RHNO1: variants seen among roughly 807,000 people sequenced by gnomAD.
RHNO1 encodes the protein RAD9-HUS1-RAD1 interacting nuclear orphan 1, also known as RAD9, HUS1, RAD1-interacting nuclear orphan protein 1.
RHNO1 carries 9 observed loss-of-function variants against 7.2 expected under a neutral mutation model. The observed-to-expected ratio is 1.25, with a 90% CI of 0.75 to 2.18. RHNO1 has a LOEUF of 2.18. RHNO1 is among the 30% of genes most tolerant of loss of function. The pLI is 0.00. For missense variants in RHNO1, 292 were observed against 284.5 expected (o/e 1.03, Z -0.19); for synonymous variants, 95 against 107.5 (o/e 0.88, Z 0.72).
intron 1 of RHNO1, chr12:2,877,971 A>G (rs2098150343): frequency 6.6e-6 from 1 of 152,290 alleles, no homozygotes; most frequent in African/African-American, 2.4e-5. Flanking sequence ...ACTTGAGGTC[A>G]CGAGTTCGAG....
Position 2,877,578 on chromosome 12 carries a change from TC to T in RHNO1, c.-85+302del, listed in dbSNP as rs935451884. ...TTTCCCACAGTGAACGATCGTCTGC[TC>T]CCCCCGATTAGACTAAGTTCCTTTG... is the stretch of plus-strand genomic sequence containing the variant. On this transcript the variant is annotated intron_variant, in intron 1 of 2. Transcript: ENST00000489288. Among the ~76,000 whole-genome samples, 5 of 151,826 alleles carry T rather than the reference TC, an allele frequency of 3.3e-5. No individual in the cohort carries two copies. The South Asian group carries it at 1.0e-3, about 32-fold the overall frequency.
chr12:2,885,786 A>G (rs1023659521), intron 2 of RHNO1: 5 of 310,068 alleles, frequency 1.6e-5, no homozygotes, highest in Non-Finnish European at 2.4e-5. Context: ...CGTGTTAGCC[A>G]GGATGGTCTC....
intron 2 of RHNO1, 79 bp from the exon 3 acceptor site, chr12:2,887,829 TAAG>T: frequency 8.6e-7 from 1 of 1,166,222 alleles, no homozygotes; most frequent in South Asian, 1.7e-5. Flanking sequence ...GACCCCGATT[TAAG>T]AGTCTGGTCA....
At position 2,888,782 on chromosome 12, in the gene RHNO1, G is replaced by C. The variant is rs1013191564; in HGVS notation, c.*323G>C. 4.5e-6 allele frequency: 1 copy of C among 220,422 alleles called. No homozygotes were observed. Among genetic ancestry groups the C allele is most frequent in the Admixed American group, 5.2e-5 (1 of 19,350 alleles). 13.7% of individuals were successfully genotyped at this position (220,422 alleles called of 1,614,324 possible). A position where few individuals can be genotyped will look rare whatever the true frequency, so the allele number is the denominator to read the frequency against. The stretch of plus-strand genomic sequence containing the variant: ...TGACCTCAAGTCATCTGCTGGCCTT[G>C]ACCTCACAAAGTGCTGGCCCAGCCG... On this transcript the variant is annotated 3_prime_UTR_variant, in exon 3 of 3. Coordinates refer to ENST00000489288, the MANE Select transcript of RHNO1 (RefSeq NM_001252499.3).
intron 2 of RHNO1, among the ~76,000 whole-genome samples, chr12:2,887,450 C>G (rs2098166907): frequency 6.8e-6 from 1 of 147,566 alleles, no homozygotes; most frequent in Admixed American, 6.9e-5. Flanking sequence ...GCACTCCAGC[C>G]TGGGCGACAA....
intron 2 of RHNO1, chr12:2,887,066 G>C: frequency 2.3e-6 from 1 of 438,982 alleles, no homozygotes; most frequent in East Asian, 7.2e-5. Context: ...ATCTAGACCA[G>C]GTGTTGTGGC....
At chr12:2,878,316 T>C (rs1414244042) in intron 1 of RHNO1, among the ~76,000 whole-genome samples, 1 of 150,726 alleles carries the variant, frequency 6.6e-6, no homozygotes. Flanking sequence ...TGATGCCTTT[T>C]ACAAAGAAAG....
chr12:2,888,620 T>A lies in RHNO1; in HGVS notation c.*161T>A. On this transcript the variant is annotated 3_prime_UTR_variant, in exon 3 of 3. Transcript: ENST00000489288. ...TCACCTTACTGCAACCACCACTTCC[T>A]GGGTTCAAGCGATTCTCCTGCCTCA... 1.9e-6 allele frequency: 1 copy of A among 534,428 alleles called. No homozygotes were observed. The highest frequency in any genetic ancestry group is 3.1e-6 in the Non-Finnish European group (1 of 323,232). 33.1% of individuals were successfully genotyped at this position (534,428 alleles called of 1,614,324 possible).
intron 1 of RHNO1, among the ~76,000 whole-genome samples, chr12:2,881,902 CAAA>C (rs1208946857): frequency 9.2e-5 from 11 of 119,630 alleles, no homozygotes; most frequent in Non-Finnish European, 3.5e-5. Context: ...AAGACTCCAT[CAAA>C]AAAAAAAAAA....
intron 1 of RHNO1, among the ~76,000 whole-genome samples, chr12:2,882,513 G>A (rs1286397322): frequency 6.7e-6 from 1 of 150,220 alleles, no homozygotes; most frequent in Non-Finnish European, 1.5e-5. Context: ...GACCAGCCTG[G>A]CCAAAATGGT....
At chr12:2,879,763 A>G (rs1451125020) in intron 1 of RHNO1, among the ~76,000 whole-genome samples, 2 of 151,918 alleles carry the variant, frequency 1.3e-5, no homozygotes, top group African/African-American at 4.8e-5. Context: ...TTCTAGGTGG[A>G]TACTGAAATA....
intron 1 of RHNO1, among the ~76,000 whole-genome samples, chr12:2,883,503 ATATATATATTTTT>A (rs1455753146): frequency 5.4e-3 from 187 of 34,660 alleles, no homozygotes; most frequent in African/African-American, 0.014. Context: ...ATATATATAT[ATATATATATTTTT>A]TTTTTTTTTT....
At chr12:2,884,641 G>A (rs1353253995) in intron 1 of RHNO1, among the ~76,000 whole-genome samples, 1 of 148,952 alleles carries the variant, frequency 6.7e-6, no homozygotes. Flanking sequence ...GGGATTACAG[G>A]CGTAAGCCCC....
chr12:2,881,625 G>A (rs2098157771), intron 1 of RHNO1, among the ~76,000 whole-genome samples: 1 of 151,928 alleles, frequency 6.6e-6, no homozygotes, highest in African/African-American at 2.4e-5. Context: ...TAGAAACTTT[G>A]GCTGGACATG....
At chr12:2,885,653 C>T in intron 2 of RHNO1, 119 bp downstream of exon 2, 3 of 855,802 alleles carry the variant, frequency 3.5e-6, no homozygotes, top group South Asian at 2.0e-5. Context: ...TGGCTCACTG[C>T]AAGCTCCGCC....
In RHNO1 at chr12:2,887,656, GA is replaced by G. The variant is rs559408329; in HGVS notation, c.169-248del. On this transcript the variant is annotated intron_variant, in intron 2 of 2. Transcript: ENST00000489288. ...GAGTGAGACTCCATCCCAGGGGGAA[GA>G]AAAAAAGTTATATCCATATGGTGTG... 4.6e-5 allele frequency among the ~76,000 whole-genome samples: 7 copies of G among 152,108 alleles called. No homozygotes were observed. In the South Asian group the frequency reaches 6.2e-4, roughly 14 times the overall value.
chr12:2,885,189 T>C, intron 1 of RHNO1, 94 bp from the exon 2 acceptor site: 3 of 601,064 alleles, frequency 5.0e-6, no homozygotes, highest in Non-Finnish European at 8.8e-6. Flanking sequence ...CCCCAAAGCC[T>C]TGAAGTTTAT....
chr12:2,883,791 C>T (rs944842100), intron 1 of RHNO1, among the ~76,000 whole-genome samples: 6 of 151,800 alleles, frequency 4.0e-5, no homozygotes, highest in African/African-American at 1.2e-4. Context: ...GCTGGGATTA[C>T]AGGCATGAGC....
At chr12:2,877,009 G>A (rs2098146185), upstream of RHNO1, 1 of 152,066 alleles carries the variant, frequency 6.6e-6, no homozygotes, top group Non-Finnish European at 1.5e-5. Context: ...CAGGGCCCCG[G>A]ACGGGGGCTC....
Sources: gnomAD v4.1 joint callset for allele counts (sites outside exome capture counted in the v4.1 genomes callset) on GRCh38, gnomAD v4.1.1 for gene constraint, MANE v1.5 for transcripts, NCBI Gene and HGNC (gene_info 2026-07-23, HGNC 2026-07-21) for gene names.